The following RNF169 variants were observed in gnomAD, a reference collection of about 807,000 sequenced individuals.
RNF169 encodes the protein E3 ubiquitin-protein ligase RNF169.
In RNF169, 24 loss-of-function variants were observed where a neutral mutation model predicts 53.9. The ratio of observed to expected loss-of-function variants is 0.45; its 90% CI spans 0.32 to 0.63. The LOEUF is 0.63. RNF169 is among the 20% of genes least tolerant of loss of function. RNF169 has a pLI of 0.04. For missense variants in RNF169, 883 were observed against 906.2 expected (o/e 0.97, Z 0.33); for synonymous variants, 396 against 363.5 (o/e 1.09, Z -1.02).
chr11:74,757,028 G>C (rs2034994594), intron 1 of RNF169, among the ~76,000 whole-genome samples: 1 of 118,868 alleles, frequency 8.4e-6, no homozygotes, highest in Non-Finnish European at 1.7e-5. Context: ...TTAAGTTTTA[G>C]GGTACATGTG....
chr11:74,762,787 A>T (rs1486958191), intron 1 of RNF169, among the ~76,000 whole-genome samples: 1 of 152,256 alleles, frequency 6.6e-6, no homozygotes. Context: ...TATACAGGAA[A>T]GATAGGAAAA....
Position 74,749,371 on chromosome 11 carries a change from C to G in RNF169, c.491C>G (p.Pro164Arg). Residue 164 changes from proline to arginine, a missense_variant, in exon 1 of 6, where the codon CCT becomes CGT. Pro to Arg is a moderately radical substitution (Grantham distance 103, BLOSUM62 -2). Around this residue, in one of 3 missense-constraint regions of RNF169, gnomAD observed 313 missense variants for 279.9 expected, o/e 1.12. Coordinates refer to ENST00000299563, the MANE Select transcript of RNF169 (RefSeq NM_001098638.2). ...CCAGAGCAGGAGCCGCGTGCCGCGCCTGCGGAGCCAGGTGGAGCTTCCCCA... is the reference window on the plus strand; with the variant it reads ...CCAGAGCAGGAGCCGCGTGCCGCGCGTGCGGAGCCAGGTGGAGCTTCCCCA... ...PRPEQEPRAA[P>R]AEPDFIFRAP... 1 of 1,244,358 alleles carries G rather than the reference C, an allele frequency of 8.0e-7. No individual in the cohort carries two copies. The highest frequency in any genetic ancestry group is 1.0e-6 in the Non-Finnish European group (1 of 991,296). The allele number at this position is 1,244,358 out of a possible 1,614,324, so 77.1% of individuals were successfully genotyped here. A position where few individuals can be genotyped will look rare whatever the true frequency, so the allele number is the denominator to read the frequency against.
intron 4 of RNF169, 127 bp from the exon 5 acceptor site, chr11:74,834,549 A>C (rs889736051): frequency 1.9e-6 from 1 of 530,132 alleles, no homozygotes; most frequent in Non-Finnish European, 3.3e-6. Context: ...CTCATTTTCT[A>C]TTGTAGCTGC....
intron 1 of RNF169, among the ~76,000 whole-genome samples, chr11:74,765,313 A>G (rs972782326): frequency 6.6e-6 from 1 of 152,230 alleles, no homozygotes; most frequent in Non-Finnish European, 1.5e-5. Flanking sequence ...TTTTTAAACT[A>G]ATATGCAACA....
rs2034841198 is a variant in RNF169 at position 74,749,116 on chromosome 11, C to T, written c.236C>T (p.Ala79Val). The change falls in exon 1 of 6, where the codon GCG becomes GTG. Residue 79 changes from alanine (A) to valine (V), a missense_variant. Coordinates refer to ENST00000299563, the MANE Select transcript of RNF169 (RefSeq NM_001098638.2). ...TGCCTGGAGCCCCCCGGAGAAGCAGCGGCCCTGCCGTGCGGCCACTCGCTT... is the reference window on the plus strand; with the variant it reads ...TGCCTGGAGCCCCCCGGAGAAGCAGTGGCCCTGCCGTGCGGCCACTCGCTT... ...AGCLEPPGEA[A>V]ALPCGHSLCR... The T allele has an allele frequency of 5.1e-6, 7 of 1,370,484 alleles. No homozygotes were observed. The highest frequency in any genetic ancestry group is 1.5e-5 in the African/African-American group (1 of 66,402). The allele number at this position is 1,370,484 out of a possible 1,614,324, so 84.9% of individuals were successfully genotyped here. A position where few individuals can be genotyped will look rare whatever the true frequency, so the allele number is the denominator to read the frequency against.
Position 74,748,945 on chromosome 11 carries a change from G to A in RNF169, c.65G>A (p.Arg22Gln). Reference sequence around the variant, plus strand: ...GCGGCAGCAGCCGCTCTGAGTCGGCGGGGCCGGCGGGGCCGCTGTGACGAG... The same window carrying A: ...GCGGCAGCAGCCGCTCTGAGTCGGCAGGGCCGGCGGGGCCGCTGTGACGAG... ...SAAAAAALSR[R>Q]GRRGRCDETA... The change falls in exon 1 of 6, where the codon CGG becomes CAG. Residue 22 changes from arginine (R) to glutamine (Q), a missense_variant. By Grantham distance (43) the Arg-to-Gln change is conservative. This residue lies in a region of RNF169 where 313 missense variants were observed against 279.9 expected (regional missense o/e 1.12). Coordinates refer to ENST00000299563, the MANE Select transcript of RNF169 (RefSeq NM_001098638.2). 2.1e-6 allele frequency: 3 copies of A among 1,456,748 alleles called. No homozygotes were observed. Among genetic ancestry groups the A allele is most frequent in the Non-Finnish European group, 2.7e-6 (3 of 1,092,192 alleles). The allele number at this position is 1,456,748 out of a possible 1,614,324, so 90.2% of individuals were successfully genotyped here.
intron 2 of RNF169, among the ~76,000 whole-genome samples, chr11:74,791,325 T>TGCAGAACTGGCAGCCCAGCCC (rs141424632): frequency 0.041 from 6,251 of 152,288 alleles, 135 homozygotes; most frequent in African/African-American, 0.057. Context: ...CACTCCAGTC[T>TGCAGAACTGGCAGCCCAGCCC]GCAGAACTGG....
At chr11:74,811,193 G>C (rs572753167) in intron 3 of RNF169, among the ~76,000 whole-genome samples, 1 of 151,972 alleles carries the variant, frequency 6.6e-6, no homozygotes, top group Non-Finnish European at 1.5e-5. Context: ...CATTGTAACT[G>C]TTTGTACACT....
chr11:74,803,183 T>G (rs1246382828), intron 2 of RNF169, among the ~76,000 whole-genome samples: 1 of 151,914 alleles, frequency 6.6e-6, no homozygotes, highest in Non-Finnish European at 1.5e-5. Flanking sequence ...CCTCCTGGGT[T>G]CATGCTATTC....
Position 74,791,410 on chromosome 11 carries a change from C to T in RNF169, c.576+1711C>T, listed in dbSNP as rs528681990. On this transcript the variant is annotated intron_variant, in intron 2 of 5. Transcript: ENST00000299563. ...CCCTTTCTGCCCAGGAGCCTGTCTA[C>T]TTCCTGTCACCATCAACCTGCCCTG... 2.6e-5 allele frequency among the ~76,000 whole-genome samples: 4 copies of T among 152,362 alleles called. No homozygotes were observed. The East Asian group carries it at 7.7e-4, about 29-fold the overall frequency.
intron 3 of RNF169, among the ~76,000 whole-genome samples, chr11:74,816,207 A>G (rs779553758): frequency 2.0e-5 from 3 of 152,244 alleles, no homozygotes; most frequent in South Asian, 2.1e-4. Flanking sequence ...TACATCTACA[A>G]CTCTTACTTT....
chr11:74,781,161 C>G (rs2035412143), intron 1 of RNF169, among the ~76,000 whole-genome samples: 1 of 152,316 alleles, frequency 6.6e-6, no homozygotes, highest in East Asian at 1.9e-4. Flanking sequence ...AAACACTGAT[C>G]TCAGTTGGAT....
Position 74,748,930 on chromosome 11 carries a change from C to A in RNF169, c.50C>A (p.Ala17Asp). 6.9e-7 allele frequency: 1 copy of A among 1,458,902 alleles called. No individual in the cohort carries two copies. The allele number at this position is 1,458,902 out of a possible 1,614,324, so 90.4% of individuals were successfully genotyped here. A position where few individuals can be genotyped will look rare whatever the true frequency, so the allele number is the denominator to read the frequency against. The change falls in exon 1 of 6, where the codon GCC (alanine) becomes GAC (aspartate). Residue 17 changes from alanine to aspartate, a missense_variant. Around this residue, in one of 3 missense-constraint regions of RNF169, gnomAD observed 313 missense variants for 279.9 expected, o/e 1.12. Coordinates refer to ENST00000299563, the MANE Select transcript of RNF169 (RefSeq NM_001098638.2). Reference protein sequence around the residue: ...STRASSAAAAAALSRRGRRGR... With the variant: ...STRASSAAAADALSRRGRRGR... ...CGGGCCTCTTCCGCGGCGGCAGCAGCCGCTCTGAGTCGGCGGGGCCGGCGG... is the reference window on the plus strand; with the variant it reads ...CGGGCCTCTTCCGCGGCGGCAGCAGACGCTCTGAGTCGGCGGGGCCGGCGG...
intron 2 of RNF169, among the ~76,000 whole-genome samples, chr11:74,793,191 A>C (rs1382651452): frequency 6.6e-6 from 1 of 152,222 alleles, no homozygotes; most frequent in Non-Finnish European, 1.5e-5. Context: ...GTAGTGACAG[A>C]TAGTAGATTA....
At position 74,835,611 on chromosome 11, in the gene RNF169, C is replaced by T. The variant is rs754918557; in HGVS notation, c.1008C>T (p.Arg336=). ...TCCTCTTGTCAACTCAAAACAACCG[C>T]TGCGTCTCGGCCCCTGACTTAACCA... ...IGVLLSTQNN[R]CVSAPDLTIE... Residue 336 remains arginine (R), a synonymous_variant, in exon 6 of 6, where the codon CGC becomes CGT. Transcript: ENST00000299563. The T allele has an allele frequency of 1.2e-5, 20 of 1,614,200 alleles. No homozygotes were observed. The highest frequency in any genetic ancestry group is 1.5e-5 in the Non-Finnish European group (18 of 1,180,032).
intron 1 of RNF169, among the ~76,000 whole-genome samples, chr11:74,761,162 T>C (rs2035075160): frequency 7.4e-6 from 1 of 134,634 alleles, no homozygotes; most frequent in Admixed American, 7.8e-5. Flanking sequence ...TCCATTTGCT[T>C]GGTAGATCTT....
At chr11:74,797,601 A>C (rs752238884) in intron 2 of RNF169, among the ~76,000 whole-genome samples, 3 of 152,238 alleles carry the variant, frequency 2.0e-5, no homozygotes, top group Non-Finnish European at 4.4e-5. Context: ...ATTTCTAATC[A>C]TCTAGTTTCA....
In RNF169 at chr11:74,839,826, A is replaced by G. The variant is rs927692523; in HGVS notation, c.*3096A>G. On this transcript the variant is annotated 3_prime_UTR_variant, in exon 6 of 6. Transcript: ENST00000299563. ...GGGCCTGTTGGGTTGGTATCAGATC[A>G]GGGGATTATGCATCCAGCCCCTGGC... 1 of 152,216 alleles carries G rather than the reference A, an allele frequency of 6.6e-6. No homozygotes were observed. The highest frequency in any genetic ancestry group is 2.4e-5 in the African/African-American group (1 of 41,456). 9.4% of individuals were successfully genotyped at this position (152,216 alleles called of 1,614,324 possible).
At chr11:74,831,693 T>TG (rs1359974371) in intron 4 of RNF169, 1 of 137,490 alleles carries the variant, frequency 7.3e-6, no homozygotes, top group African/African-American at 3.0e-5. Flanking sequence ...AAAACAATCT[T>TG]GAAAAAAAAA....
Sources: gnomAD v4.1 joint callset for allele counts (sites outside exome capture counted in the v4.1 genomes callset) on GRCh38, gnomAD v4.1.1 for gene constraint, gnomAD v4.1.1 regional missense constraint, MANE v1.5 for transcripts, NCBI Gene and HGNC (gene_info 2026-07-23, HGNC 2026-07-21) for gene names.